The following APBA2 variants were observed in gnomAD, a reference collection of about 807,000 sequenced individuals.
APBA2 encodes the protein amyloid beta precursor protein binding family A member 2.
In APBA2, 30 loss-of-function variants were observed where a neutral mutation model predicts 75.0. That is an observed-to-expected ratio of 0.40 (90% CI 0.30 to 0.54). APBA2 has a LOEUF of 0.54. Among genes scored for constraint, APBA2 ranks in the 20% least tolerant of loss-of-function variants. APBA2 has a pLI of 0.49. For synonymous variants in APBA2, 444 were observed against 409.6 expected, an observed-to-expected ratio of 1.08 and a Z score of -1.01; for missense variants, 801 against 1,016.1, an observed-to-expected ratio of 0.79 and a Z score of 2.88.
In APBA2 at chr15:29,012,860, T is replaced by C. The variant is rs140097066; in HGVS notation, c.-41+17054T>C. On this transcript the variant is annotated intron_variant, in intron 3 of 14. Transcript: ENST00000683413. ...AGGCCTATTGCCTCTTAACCACTAC[T>C]TTCTTCCTGTGTGTGTTTTTAACCT... Among the ~76,000 whole-genome samples, 154 of 152,322 alleles carry C rather than the reference T, an allele frequency of 1.0e-3. 1 individual carries two copies. The highest frequency in any genetic ancestry group is 3.4e-3 in the African/African-American group (142 of 41,572).
At chr15:29,011,152 G>A (rs2039385094) in intron 3 of APBA2, among the ~76,000 whole-genome samples, 1 of 152,040 alleles carries the variant, frequency 6.6e-6, no homozygotes, top group African/African-American at 2.4e-5. Context: ...ATCTGTGCTG[G>A]GTTGTGTGAT....
intron 9 of APBA2, among the ~76,000 whole-genome samples, chr15:29,101,263 CT>C (rs1451897814): frequency 2.8e-5 from 4 of 145,386 alleles, no homozygotes; most frequent in Non-Finnish European, 6.0e-5. Context: ...GAGTTTTGCT[CT>C]TGTTGCCCAG....
At chr15:29,051,363 G>A (rs556065332) in intron 3 of APBA2, among the ~76,000 whole-genome samples, 1 of 152,158 alleles carries the variant, frequency 6.6e-6, no homozygotes, top group African/African-American at 2.4e-5. Context: ...TTTTCCTGGT[G>A]TGGGACATCT....
At chr15:28,976,253 A>G (rs1056431563) in intron 2 of APBA2, among the ~76,000 whole-genome samples, 2 of 152,174 alleles carry the variant, frequency 1.3e-5, no homozygotes, top group African/African-American at 4.8e-5. Flanking sequence ...GCTTTTCTCT[A>G]TGGACAGTAT....
intron 13 of APBA2, among the ~76,000 whole-genome samples, chr15:29,111,834 G>C (rs2152980359): frequency 6.6e-6 from 1 of 152,296 alleles, no homozygotes; most frequent in East Asian, 1.9e-4. Flanking sequence ...CCACTGCCCA[G>C]CCGGGACCTC....
chr15:29,073,961 G>A (rs1436523469), intron 4 of APBA2, among the ~76,000 whole-genome samples: 3 of 152,114 alleles, frequency 2.0e-5, no homozygotes, highest in African/African-American at 7.2e-5. Flanking sequence ...TGTAGTAACA[G>A]ATTGGCTAAT....
At chr15:29,078,863 G>T (rs1366822497) in intron 6 of APBA2, among the ~76,000 whole-genome samples, 1 of 152,160 alleles carries the variant, frequency 6.6e-6, no homozygotes, top group Non-Finnish European at 1.5e-5. Context: ...GGAAAGCAAA[G>T]GTTTTCTGTG....
intron 3 of APBA2, among the ~76,000 whole-genome samples, chr15:29,000,090 C>G (rs2038764121): frequency 6.6e-6 from 1 of 152,204 alleles, no homozygotes; most frequent in Non-Finnish European, 1.5e-5. Context: ...CTGCTTTACT[C>G]AGTCTGCCAA....
At chr15:28,967,302 A>C (rs1349726865) in intron 2 of APBA2, among the ~76,000 whole-genome samples, 1 of 152,202 alleles carries the variant, frequency 6.6e-6, no homozygotes, top group Non-Finnish European at 1.5e-5. Context: ...ATGTAATAAA[A>C]TTGTAAGTCT....
chr15:29,073,285 G>C (rs985625865), intron 4 of APBA2, among the ~76,000 whole-genome samples: 19 of 152,202 alleles, frequency 1.2e-4, no homozygotes, highest in Non-Finnish European at 2.4e-4. Context: ...TGTCAAGCAG[G>C]GGGAAGAATA....
At chr15:29,116,847 T>G (rs1271057952) in intron 14 of APBA2, among the ~76,000 whole-genome samples, 2 of 152,178 alleles carry the variant, frequency 1.3e-5, no homozygotes, top group Non-Finnish European at 2.9e-5. Context: ...TTGACTCCTC[T>G]GGAGCCAGGG....
intron 9 of APBA2, among the ~76,000 whole-genome samples, chr15:29,100,721 G>T (rs1303037939): frequency 2.6e-5 from 4 of 152,182 alleles, no homozygotes; most frequent in African/African-American, 9.7e-5. Context: ...ACAGCAGGAA[G>T]GCCAGGCCAG....
chr15:28,959,115 A>C (rs1423269162), intron 2 of APBA2, among the ~76,000 whole-genome samples: 5 of 152,008 alleles, frequency 3.3e-5, no homozygotes. Flanking sequence ...CAGTCTCCCG[A>C]GTAGCTGGGA....
At position 28,989,388 on chromosome 15, in the gene APBA2, G is replaced by A. The variant is rs187473501; in HGVS notation, c.-94-6365G>A. On this transcript the variant is annotated intron_variant, in intron 2 of 14. Coordinates refer to ENST00000683413, the MANE Select transcript of APBA2 (RefSeq NM_001353788.2). ...TGGGCCTGGGAGGATGCGCAGGTTC[G>A]TATCTGTGAATCAGTTAGTGCCTGT... Among the ~76,000 whole-genome samples, 29 of 152,266 alleles carry A rather than the reference G, an allele frequency of 1.9e-4. No homozygotes were observed. In the East Asian group the frequency reaches 4.8e-3, roughly 25 times the overall value.
Position 29,101,655 on chromosome 15 carries a change from C to T in APBA2, c.1395C>T (p.Asn465=). The change falls in exon 10 of 15, where the codon AAC becomes AAT. Residue 465 remains asparagine (N), a synonymous_variant. Coordinates refer to ENST00000683413, the MANE Select transcript of APBA2 (RefSeq NM_001353788.2). ...RTISYIADIG[N]IVVLMARRRM... is the part of the protein sequence containing the mutation. ...TCTCCTACATCGCCGACATTGGGAA[C>T]ATTGTAGTGCTGATGGCCAGACGCC... The T allele has an allele frequency of 1.9e-6, 3 of 1,613,736 alleles. No individual in the cohort carries two copies. The highest frequency in any genetic ancestry group is 1.7e-6 in the Non-Finnish European group (2 of 1,180,022).
intron 3 of APBA2, among the ~76,000 whole-genome samples, chr15:29,006,171 A>T (rs930311452): frequency 6.6e-6 from 1 of 152,228 alleles, no homozygotes; most frequent in African/African-American, 2.4e-5. Flanking sequence ...TCATGGTCTT[A>T]TGCAATATGT....
chr15:29,077,094 G>A (rs1213972422), intron 6 of APBA2, among the ~76,000 whole-genome samples: 1 of 152,192 alleles, frequency 6.6e-6, no homozygotes, highest in African/African-American at 2.4e-5. Context: ...GATAGACTTG[G>A]TTCCATTTTG....
chr15:29,030,293 A>C (rs1440453122), intron 3 of APBA2, among the ~76,000 whole-genome samples: 1 of 152,006 alleles, frequency 6.6e-6, no homozygotes. Context: ...CCCCGTCTCT[A>C]CTAAAAATAC....
At chr15:28,988,100 C>T (rs2152778541) in intron 2 of APBA2, among the ~76,000 whole-genome samples, 1 of 152,184 alleles carries the variant, frequency 6.6e-6, no homozygotes, top group Middle Eastern at 3.4e-3. Context: ...GCAGCTAGAG[C>T]CCCTCCCCAG....
Sources: gnomAD v4.1 joint callset for allele counts (sites outside exome capture counted in the v4.1 genomes callset) on GRCh38, gnomAD v4.1.1 for gene constraint, MANE v1.5 for transcripts, NCBI Gene and HGNC (gene_info 2026-07-23, HGNC 2026-07-21) for gene names.